The following C1orf94 variants were observed in gnomAD, a reference collection of about 807,000 sequenced individuals.
C1orf94 encodes the protein chromosome 1 open reading frame 94.
A neutral mutation model predicts 53.6 loss-of-function variants in C1orf94; 45 were observed. The observed-to-expected ratio is 0.84, with a 90% confidence interval of 0.66 to 1.08. The LOEUF (loss-of-function observed/expected upper bound fraction) is 1.08, where lower values mean the gene tolerates loss of function less well. Ranked by LOEUF, C1orf94 falls within the 50% of genes least tolerant of loss-of-function variation. The probability of loss-of-function intolerance (pLI) is 0.00; values close to 1 mark genes in which losing one functional copy is unlikely to be tolerated. For synonymous variants in C1orf94, 304 were observed against 296.1 expected (o/e 1.03, Z -0.27); for missense variants, 762 against 738.9 (o/e 1.03, Z -0.36).
At chr1:34,209,635 G>C (rs1437757470) in intron 5 of C1orf94, among the ~76,000 whole-genome samples, 1 of 152,150 alleles carries the variant, frequency 6.6e-6, no homozygotes, top group East Asian at 1.9e-4. Context: ...GACCTGAAAT[G>C]TGTTAGAATG....
chr1:34,216,354 GT>G (rs1305027704), intron 6 of C1orf94, among the ~76,000 whole-genome samples: 3 of 152,222 alleles, frequency 2.0e-5, no homozygotes, highest in Admixed American at 2.0e-4. Context: ...CTGCGGAGAT[GT>G]GGAGGAACCA....
chr1:34,218,780 T>G lies in C1orf94; in HGVS notation c.*19T>G, dbSNP rs1210960378. ...CTTTTAGATCTCCTCTTCTCCCTTC[T>G]CCTCCCTTAGCCCTTGGATCAGGAC... is the stretch of plus-strand genomic sequence containing the variant. On this transcript the variant is annotated 3_prime_UTR_variant, in exon 7 of 7. Transcript: ENST00000488417. 1 of 1,606,118 alleles carries G rather than the reference T, an allele frequency of 6.2e-7. No homozygotes were observed. Among genetic ancestry groups the G allele is most frequent in the Admixed American group, 1.7e-5 (1 of 59,890 alleles).
At chr1:34,201,132 T>C (rs1338622941) in intron 3 of C1orf94, 100 bp downstream of exon 3, 1 of 1,465,832 alleles carries the variant, frequency 6.8e-7, no homozygotes, top group Non-Finnish European at 9.1e-7. Flanking sequence ...TCTTATCTAC[T>C]GCCTTTCTAG....
In C1orf94 at chr1:34,177,835, G is replaced by A. The variant is rs980223350; in HGVS notation, c.46G>A (p.Gly16Ser). 6.5e-6 allele frequency: 10 copies of A among 1,550,026 alleles called. No individual in the cohort carries two copies. The highest frequency in any genetic ancestry group is 8.7e-6 in the Non-Finnish European group (10 of 1,145,794). ...GCVLALGGQR[G>S]FQKERRRMAS... ...TGTTCTAGCCCTGGGTGGACAGAGGGGCTTCCAGAAAGAGAGGAGGAGGAT... is the reference window on the plus strand; with the variant it reads ...TGTTCTAGCCCTGGGTGGACAGAGGAGCTTCCAGAAAGAGAGGAGGAGGAT... The change falls in exon 1 of 7, where the codon GGC (glycine) becomes AGC (serine). Residue 16 changes from glycine to serine, a missense_variant. Physicochemically the swap from Gly to Ser is moderately conservative, Grantham distance 56. Coordinates refer to ENST00000488417, the MANE Select transcript of C1orf94 (RefSeq NM_001134734.2).
At chr1:34,173,171 G>A (rs1557473752), upstream of C1orf94, among the ~76,000 whole-genome samples, 1 of 152,194 alleles carries the variant, frequency 6.6e-6, no homozygotes, top group Non-Finnish European at 1.5e-5. Flanking sequence ...TTTTCTCACT[G>A]CACAAGATTT....
intron 1 of C1orf94, among the ~76,000 whole-genome samples, chr1:34,184,177 C>T (rs1307302474): frequency 2.6e-5 from 4 of 152,062 alleles, no homozygotes; most frequent in African/African-American, 4.8e-5. Flanking sequence ...GGGTGTAGTC[C>T]GCAGGTAGCA....
Position 34,202,178 on chromosome 1 carries a change from C to A in C1orf94, c.1365C>A (p.Thr455=), listed in dbSNP as rs752553098. ...PHFPTAMTSA[T]LNQPLWLNLN... ...TTCCTACAGCCATGACCTCAGCAAC[C>A]CTGAACCAGCCACTCTGGCTCAACC... Residue 455 remains threonine (T), a synonymous_variant, in exon 4 of 7, where the codon ACC becomes ACA. Transcript: ENST00000488417. 4 of 1,614,198 alleles carry A rather than the reference C, an allele frequency of 2.5e-6. No individual in the cohort carries two copies. The East Asian group carries it at 8.9e-5, about 36-fold the overall frequency.
At chr1:34,218,239 A>G (rs1400369582) in intron 6 of C1orf94, among the ~76,000 whole-genome samples, 1 of 152,060 alleles carries the variant, frequency 6.6e-6, no homozygotes, top group Non-Finnish European at 1.5e-5. Flanking sequence ...GGACTCTGGG[A>G]TTGTCCAGCC....
At chr1:34,176,609 G>A (rs1642229343), upstream of C1orf94, among the ~76,000 whole-genome samples, 1 of 152,222 alleles carries the variant, frequency 6.6e-6, no homozygotes, top group African/African-American at 2.4e-5. Context: ...TTTGAGATTC[G>A]CTTTCCTCCC....
intron 1 of C1orf94, among the ~76,000 whole-genome samples, chr1:34,188,447 T>A (rs1367960949): frequency 6.6e-6 from 1 of 152,126 alleles, no homozygotes; most frequent in African/African-American, 2.4e-5. Context: ...AGCTGAGAGA[T>A]TTCACGGTGT....
intron 1 of C1orf94, among the ~76,000 whole-genome samples, chr1:34,167,730 C>A (rs1571329586): frequency 6.6e-6 from 1 of 151,814 alleles, no homozygotes; most frequent in Non-Finnish European, 1.5e-5. Context: ...TAACTGATAC[C>A]GTCAGACAGC....
At chr1:34,176,182 T>C (rs1023246629), upstream of C1orf94, among the ~76,000 whole-genome samples, 1 of 152,084 alleles carries the variant, frequency 6.6e-6, no homozygotes, top group Non-Finnish European at 1.5e-5. Context: ...AGAAAGTTCT[T>C]AAGGTCACAC....
At position 34,200,968 on chromosome 1, in the gene C1orf94, C is replaced by G; in HGVS notation, c.1206C>G (p.Thr402=). The G allele has an allele frequency of 6.2e-7, 1 of 1,613,722 alleles. No individual in the cohort carries two copies. Among genetic ancestry groups the G allele is most frequent in the Non-Finnish European group, 8.5e-7 (1 of 1,179,856 alleles). ...KNLLYEFLGA[T]KNPSGQPRLR... is the part of the protein sequence containing the mutation. ...TGCTCTATGAGTTCCTTGGGGCCACCAAGAACCCAAGCGGGCAGCCGAGAC... is the reference window on the plus strand; with the variant it reads ...TGCTCTATGAGTTCCTTGGGGCCACGAAGAACCCAAGCGGGCAGCCGAGAC... The change falls in exon 3 of 7, where the codon ACC becomes ACG. Residue 402 remains threonine (T), a synonymous_variant. Coordinates refer to ENST00000488417, the MANE Select transcript of C1orf94 (RefSeq NM_001134734.2).
chr1:34,173,762 CA>C (rs1249392960), upstream of C1orf94, among the ~76,000 whole-genome samples: 3 of 152,126 alleles, frequency 2.0e-5, no homozygotes, highest in Non-Finnish European at 2.9e-5. Context: ...TGTAAGTAGT[CA>C]GGGGGAATTC....
At chr1:34,173,622 G>T (rs1642179262), upstream of C1orf94, among the ~76,000 whole-genome samples, 1 of 152,128 alleles carries the variant, frequency 6.6e-6, no homozygotes, top group Non-Finnish European at 1.5e-5. Flanking sequence ...CATTAGCCAA[G>T]CTATTATAAG....
chr1:34,208,542 C>G (rs1302434126), intron 5 of C1orf94, among the ~76,000 whole-genome samples: 1 of 152,146 alleles, frequency 6.6e-6, no homozygotes, highest in Non-Finnish European at 1.5e-5. Flanking sequence ...AACCCAAGCA[C>G]AGAGAGATTA....
intron 6 of C1orf94, among the ~76,000 whole-genome samples, chr1:34,218,409 G>C (rs1426291202): frequency 6.6e-6 from 1 of 152,140 alleles, no homozygotes; most frequent in Non-Finnish European, 1.5e-5. Flanking sequence ...TGGGCAGGGA[G>C]AGAGTGTAGG....
In C1orf94 at chr1:34,208,329, C is replaced by G. The variant is rs1642833694; in HGVS notation, c.1524+95C>G. 1.5e-5 allele frequency: 19 copies of G among 1,248,216 alleles called. No homozygotes were observed. In the South Asian group the frequency reaches 2.4e-4, roughly 16 times the overall value. The allele number at this position is 1,248,216 out of a possible 1,614,324, so 77.3% of individuals were successfully genotyped here. A position where few individuals can be genotyped will look rare whatever the true frequency, so the allele number is the denominator to read the frequency against. On this transcript the variant is annotated intron_variant, in intron 5 of 6. Coordinates refer to ENST00000488417, the MANE Select transcript of C1orf94 (RefSeq NM_001134734.2). ...CCCTCCTCCTTTTCCAGCTGGTGAC[C>G]AGACACCTGGCCCACCATTGGCTCT...
chr1:34,190,074 T>A (rs997294626), intron 1 of C1orf94, among the ~76,000 whole-genome samples: 1 of 152,194 alleles, frequency 6.6e-6, no homozygotes, highest in Non-Finnish European at 1.5e-5. Flanking sequence ...TTTGAGTACA[T>A]CTTTTAACCT....
Sources: gnomAD v4.1 joint callset for allele counts (sites outside exome capture counted in the v4.1 genomes callset) on GRCh38, gnomAD v4.1.1 for gene constraint, MANE v1.5 for transcripts, NCBI Gene and HGNC (gene_info 2026-07-23, HGNC 2026-07-21) for gene names.